The following PPM1H variants were observed in gnomAD, a reference collection of about 807,000 sequenced individuals.
PPM1H encodes the protein protein phosphatase 1H.
In PPM1H, 27 loss-of-function variants were observed where a neutral mutation model predicts 54.9. The ratio of observed to expected loss-of-function variants is 0.49; its 90% CI spans 0.36 to 0.68. The LOEUF (loss-of-function observed/expected upper bound fraction) is 0.68, where lower values mean the gene tolerates loss of function less well. Among genes scored for constraint, PPM1H ranks in the 30% least tolerant of loss-of-function variants. The pLI is 0.00. For synonymous variants in PPM1H, 305 were observed against 270.8 expected (o/e 1.13, Z -1.24); for missense variants, 596 against 667.8 (o/e 0.89, Z 1.19).
chr12:62,855,300 CTTT>C (rs1298300188), intron 1 of PPM1H, among the ~76,000 whole-genome samples: 1 of 152,104 alleles, frequency 6.6e-6, no homozygotes, highest in Non-Finnish European at 1.5e-5. Flanking sequence ...AGACTGGAGA[CTTT>C]TTAAGTTGGA....
chr12:62,704,162 A>T (rs1055103646), intron 6 of PPM1H, among the ~76,000 whole-genome samples: 1 of 152,130 alleles, frequency 6.6e-6, no homozygotes, highest in Middle Eastern at 3.2e-3. Flanking sequence ...ACAGAGCTGC[A>T]CTGTGAAGGA....
chr12:62,888,506 C>T (rs910795114), intron 1 of PPM1H, among the ~76,000 whole-genome samples: 1 of 152,022 alleles, frequency 6.6e-6, no homozygotes, highest in Non-Finnish European at 1.5e-5. Context: ...AAACTTCAGA[C>T]ACAGCATCCC....
intron 2 of PPM1H, among the ~76,000 whole-genome samples, chr12:62,829,391 A>T (rs1327489683): frequency 6.6e-6 from 1 of 152,246 alleles, no homozygotes; most frequent in Non-Finnish European, 1.5e-5. Context: ...ACATAGTTTC[A>T]GCCTGAGAAC....
chr12:62,890,692 T>C (rs1870753273), intron 1 of PPM1H, among the ~76,000 whole-genome samples: 1 of 150,096 alleles, frequency 6.7e-6, no homozygotes. Flanking sequence ...TGGGAATATA[T>C]ATAATATCAT....
At chr12:62,923,687 CCA>C (rs1488596088) in intron 1 of PPM1H, among the ~76,000 whole-genome samples, 2 of 152,192 alleles carry the variant, frequency 1.3e-5, no homozygotes, top group African/African-American at 4.8e-5. Context: ...CTGGCATGAG[CCA>C]CTGAGCCTGG....
chr12:62,751,803 T>C (rs1218901072), intron 4 of PPM1H, among the ~76,000 whole-genome samples: 1 of 152,248 alleles, frequency 6.6e-6, no homozygotes, highest in African/African-American at 2.4e-5. Flanking sequence ...ACTGTGGAAG[T>C]AAACAGGACC....
intron 6 of PPM1H, among the ~76,000 whole-genome samples, chr12:62,698,472 C>T (rs181149327): frequency 7.2e-4 from 110 of 152,228 alleles, no homozygotes; most frequent in African/African-American, 2.5e-3. Flanking sequence ...CTGTTCTTCA[C>T]AGGACCTGGA....
At chr12:62,858,021 A>G (rs1022908163) in intron 1 of PPM1H, among the ~76,000 whole-genome samples, 2 of 152,044 alleles carry the variant, frequency 1.3e-5, no homozygotes, top group African/African-American at 4.8e-5. Context: ...TTCAAAAATA[A>G]GTCCTAGTCT....
chr12:62,839,874 CAAAA>C (rs746381032), intron 1 of PPM1H, among the ~76,000 whole-genome samples: 1 of 84,220 alleles, frequency 1.2e-5, no homozygotes, highest in Non-Finnish European at 2.4e-5. Context: ...CCTGTTTCTA[CAAAA>C]AAAAAAAAAA....
intron 6 of PPM1H, among the ~76,000 whole-genome samples, chr12:62,701,364 C>T (rs1024627940): frequency 5.3e-5 from 8 of 152,216 alleles, no homozygotes; most frequent in African/African-American, 1.9e-4. Context: ...TGCAGCCACA[C>T]CGAAGCCCTT....
chr12:62,864,271 G>A (rs903503871), intron 1 of PPM1H, among the ~76,000 whole-genome samples: 13 of 152,190 alleles, frequency 8.5e-5, no homozygotes, highest in African/African-American at 3.1e-4. Context: ...AAGCAAGTTT[G>A]CAGTAATAAA....
intron 5 of PPM1H, among the ~76,000 whole-genome samples, chr12:62,725,506 T>G (rs951410655): frequency 6.6e-6 from 1 of 152,182 alleles, no homozygotes; most frequent in Non-Finnish European, 1.5e-5. Flanking sequence ...TCCCATTAGA[T>G]CACACCCACT....
Position 62,756,830 on chromosome 12 carries a change from A to G in PPM1H, c.870-19244T>C, listed in dbSNP as rs930831515. Among the ~76,000 whole-genome samples the G allele has an allele frequency of 6.1e-4, 93 of 152,202 alleles. 1 individual carries two copies. The highest frequency in any genetic ancestry group is 2.2e-3 in the African/African-American group (90 of 41,460). On this transcript the variant is annotated intron_variant, in intron 4 of 9. Coordinates refer to ENST00000228705, the MANE Select transcript of PPM1H (RefSeq NM_020700.2). The stretch of plus-strand genomic sequence containing the variant: ...TAAGCTGCAGAGATGAGAGGGAAAG[A>G]GAAAGCAGGATATCTAACCAGGAAC...
intron 1 of PPM1H, among the ~76,000 whole-genome samples, chr12:62,932,628 CTTT>C (rs61003358): frequency 2.4e-4 from 13 of 54,006 alleles, no homozygotes; most frequent in Admixed American, 1.1e-3. Context: ...TCCAAATGGG[CTTT>C]TTTTTTTTTT....
intron 2 of PPM1H, among the ~76,000 whole-genome samples, chr12:62,821,944 A>G (rs1396367629): frequency 6.6e-6 from 1 of 152,248 alleles, no homozygotes; most frequent in Non-Finnish European, 1.5e-5. Context: ...TGCCCCAATT[A>G]AAAGACACAG....
chr12:62,809,480 G>C (rs560405899), intron 2 of PPM1H, among the ~76,000 whole-genome samples: 4 of 152,184 alleles, frequency 2.6e-5, no homozygotes, highest in Non-Finnish European at 5.9e-5. Flanking sequence ...TGAACATGAA[G>C]GAATGAATGT....
intron 1 of PPM1H, among the ~76,000 whole-genome samples, chr12:62,855,406 C>T (rs2120949678): frequency 6.6e-6 from 1 of 152,258 alleles, no homozygotes; most frequent in Non-Finnish European, 1.5e-5. Flanking sequence ...CAGACACACG[C>T]AGAACCCAGA....
chr12:62,702,875 C>T (rs1480739537), intron 6 of PPM1H, among the ~76,000 whole-genome samples: 2 of 152,204 alleles, frequency 1.3e-5, no homozygotes, highest in African/African-American at 4.8e-5. Context: ...TATTAAAGCA[C>T]ACCAGGCTTG....
chr12:62,922,556 CTT>C (rs921213402), intron 1 of PPM1H, among the ~76,000 whole-genome samples: 1 of 152,160 alleles, frequency 6.6e-6, no homozygotes, highest in African/African-American at 2.4e-5. Context: ...TTGGTGTTCT[CTT>C]ATTCTTTCTC....
Sources: gnomAD v4.1 joint callset for allele counts (sites outside exome capture counted in the v4.1 genomes callset) on GRCh38, gnomAD v4.1.1 for gene constraint, MANE v1.5 for transcripts, NCBI Gene and HGNC (gene_info 2026-07-23, HGNC 2026-07-21) for gene names.